Variants in HEATR1 observed in about 807,000 individuals in gnomAD.
The protein encoded by HEATR1 is HEAT repeat containing 1.
In HEATR1, 77 loss-of-function variants were observed where a neutral mutation model predicts 248.2. The observed-to-expected ratio is 0.31, with a 90% CI of 0.26 to 0.37. The LOEUF is 0.37. Among genes scored for constraint, HEATR1 ranks in the 10% least tolerant of loss-of-function variants. The pLI is 1.00. For missense variants in HEATR1, 2,420 were observed against 2,504.9 expected (o/e 0.97, Z 0.72); for synonymous variants, 897 against 923.1 (o/e 0.97, Z 0.51).
chr1:236,569,580 A>G (rs931987262), intron 28 of HEATR1, among the ~76,000 whole-genome samples: 7 of 152,362 alleles, frequency 4.6e-5, no homozygotes, highest in African/African-American at 1.2e-4. Context: ...CGAAAAGAAT[A>G]TAAGCACAAA....
At chr1:236,598,742 A>C (rs761058836) in intron 4 of HEATR1, among the ~76,000 whole-genome samples, 2 of 152,120 alleles carry the variant, frequency 1.3e-5, no homozygotes, top group Non-Finnish European at 2.9e-5. Context: ...TCATCAGCCT[A>C]ATGTGCACAG....
chr1:236,562,902 ACT>A (rs370821264), intron 32 of HEATR1, among the ~76,000 whole-genome samples: 9 of 146,550 alleles, frequency 6.1e-5, no homozygotes, highest in South Asian at 2.2e-4. Context: ...CTTTTTTTCT[ACT>A]CTGTTTTCTA....
intron 20 of HEATR1, among the ~76,000 whole-genome samples, chr1:236,577,707 C>T (rs946304312): frequency 6.6e-5 from 10 of 152,102 alleles, no homozygotes; most frequent in Admixed American, 3.3e-4. Flanking sequence ...AGGCTGGTCT[C>T]GAACTCCCAA....
chr1:236,566,804 C>A lies in HEATR1; in HGVS notation c.4150G>T (p.Val1384Leu). 6.2e-7 allele frequency: 1 copy of A among 1,614,120 alleles called. No individual in the cohort carries two copies. Among genetic ancestry groups the A allele is most frequent in the African/African-American group, 1.3e-5 (1 of 75,032 alleles). ...EIVVKIISVF[V>L]DALPHVPEHR... is the part of the protein sequence containing the mutation. ...TCCGGGACGTGTGGCAGCGCATCCA[C>A]AAATACACTAATGATTTTTACCACA... The change falls in exon 30 of 45, where the codon GTG becomes TTG. Residue 1384 changes from valine (V) to leucine (L), a missense_variant. Coordinates refer to ENST00000366582, the MANE Select transcript of HEATR1 (RefSeq NM_018072.6).
Position 236,585,803 on chromosome 1 carries a change from T to C in HEATR1, c.2049+17A>G, listed in dbSNP as rs530096956. 1 of 1,609,850 alleles carries C rather than the reference T, an allele frequency of 6.2e-7. No individual in the cohort carries two copies. The highest frequency in any genetic ancestry group is 1.1e-5 in the South Asian group (1 of 90,276). ...TGAGAAAGAAATCCAGGGGGTGGACTTTCAAAGCATACTTACCATCTTTAA... is the reference window on the plus strand; with the variant it reads ...TGAGAAAGAAATCCAGGGGGTGGACCTTCAAAGCATACTTACCATCTTTAA... On this transcript the variant is annotated intron_variant, in intron 16 of 44. Coordinates refer to ENST00000366582, the MANE Select transcript of HEATR1 (RefSeq NM_018072.6).
intron 17 of HEATR1, 126 bp from the exon 18 acceptor site, chr1:236,583,322 A>G: frequency 2.7e-6 from 2 of 748,960 alleles, no homozygotes; most frequent in Non-Finnish European, 4.3e-6. Context: ...AAGGATTAAC[A>G]GAACTGCTTT....
chr1:236,580,738 A>C (rs1253243), intron 20 of HEATR1, among the ~76,000 whole-genome samples: 6 of 151,086 alleles, frequency 4.0e-5, no homozygotes, highest in African/African-American at 7.3e-5. Context: ...GCTGGTCTTG[A>C]ACTCTTGGCC....
chr1:236,598,802 C>T (rs1664243387), intron 4 of HEATR1, among the ~76,000 whole-genome samples: 1 of 152,186 alleles, frequency 6.6e-6, no homozygotes, highest in Non-Finnish European at 1.5e-5. Context: ...CCCCCCCTAC[C>T]CTGGATCACC....
chr1:236,577,339 C>A (rs1257444866), intron 20 of HEATR1, among the ~76,000 whole-genome samples: 1 of 152,126 alleles, frequency 6.6e-6, no homozygotes, highest in East Asian at 1.9e-4. Flanking sequence ...TTAGTAGAGA[C>A]TGGGTTTCAC....
rs1382956164 is a variant in HEATR1 at position 236,555,439 on chromosome 1, T to A, written c.5780A>T (p.Asp1927Val). The change falls in exon 41 of 45, where the codon GAT becomes GTT. Residue 1927 changes from aspartate to valine, a missense_variant. By Grantham distance (152) the Asp-to-Val change is radical. Transcript: ENST00000366582. ...TGTCAACAACCTGTCCTTTGGGGCA[T>A]CTTCTGTTTTAGCCCAATCAAACAG... ...FKLFDWAKTE[D>V]APKDRLLTFY... The A allele has an allele frequency of 6.2e-7, 1 of 1,614,252 alleles. No homozygotes were observed. The highest frequency in any genetic ancestry group is 8.5e-7 in the Non-Finnish European group (1 of 1,180,044).
rs755382938 is a variant in HEATR1, at chr1:236,586,445, C to A, written c.1723G>T (p.Val575Leu). The A allele has an allele frequency of 7.5e-6, 12 of 1,609,122 alleles. No homozygotes were observed. The highest frequency in any genetic ancestry group is 1.3e-5 in the African/African-American group (1 of 74,854). ...AATATGTCAGCGGCTATCTTAAGTA[C>A]CTCGTACCTAAAAGACATGCAAGCA... ...ELSKNGEWYEVLKIAADILIK... is the reference protein window; with the variant it reads ...ELSKNGEWYELLKIAADILIK... The change falls in exon 15 of 45, where the codon GTA becomes TTA. Residue 575 changes from valine to leucine, a missense_variant. Coordinates refer to ENST00000366582, the MANE Select transcript of HEATR1 (RefSeq NM_018072.6).
At chr1:236,574,413 C>G in intron 23 of HEATR1, 80 bp from the exon 24 acceptor site, 1 of 1,448,064 alleles carries the variant, frequency 6.9e-7, no homozygotes, top group Non-Finnish European at 9.4e-7. Flanking sequence ...CAACCTCTCT[C>G]AAAATACAAA....
intron 3 of HEATR1, 67 bp from the exon 4 acceptor site, chr1:236,599,691 T>C: frequency 7.2e-7 from 1 of 1,382,976 alleles, no homozygotes. Context: ...TTTCCTCACA[T>C]GCCCAAACTG....
intron 41 of HEATR1, 40 bp downstream of exon 41, chr1:236,555,251 GGCACA>G (rs1662932064): frequency 6.3e-7 from 1 of 1,591,314 alleles, no homozygotes; most frequent in Non-Finnish European, 8.6e-7. Context: ...CCTTGTATAA[GGCACA>G]CAGGGCAAGG....
chr1:236,593,584 GAA>G (rs534009257), intron 9 of HEATR1, among the ~76,000 whole-genome samples: 2,629 of 90,866 alleles, frequency 0.029, 13 homozygotes, highest in Middle Eastern at 0.071. Flanking sequence ...CCCATTAAGA[GAA>G]AAAAAAAAAA....
intron 28 of HEATR1, 42 bp downstream of exon 28, chr1:236,571,308 AT>A (rs1663418359): frequency 6.4e-7 from 1 of 1,553,900 alleles, no homozygotes; most frequent in Non-Finnish European, 8.7e-7. Flanking sequence ...TGGAAGAAAA[AT>A]ATCTGAAATA....
In HEATR1 at chr1:236,577,150, C is replaced by T. The variant is rs562265874; in HGVS notation, c.2756-201G>A. ...GCATTCTTTTGAAAATACACAAGAG[C>T]ATACTATAAACTCTGTTCTACACCA... On this transcript the variant is annotated intron_variant, in intron 20 of 44. Transcript: ENST00000366582. 2.1e-3 allele frequency among the ~76,000 whole-genome samples: 234 copies of T among 109,266 alleles called. 8 individuals carry two copies. In the South Asian group the frequency reaches 0.023, roughly 11 times the overall value. 71.7% of individuals were successfully genotyped at this position (109,266 alleles called of 152,430 possible).
At chr1:236,570,205 C>T (rs1238418259) in intron 28 of HEATR1, among the ~76,000 whole-genome samples, 5 of 152,206 alleles carry the variant, frequency 3.3e-5, no homozygotes, top group Non-Finnish European at 7.3e-5. Flanking sequence ...AGGAGAATGG[C>T]ATGAACCCAA....
intron 32 of HEATR1, among the ~76,000 whole-genome samples, 177 bp from the exon 33 acceptor site, chr1:236,561,448 CTTAAT>C (rs1210133325): frequency 7.2e-5 from 11 of 152,176 alleles, no homozygotes; most frequent in African/African-American, 2.7e-4. Context: ...CTCTATTTCT[CTTAAT>C]TTATTTTAAT....
Sources: allele counts gnomAD v4.1 joint callset (sites outside exome capture counted in the v4.1 genomes callset), GRCh38; gene constraint gnomAD v4.1.1; transcripts MANE v1.5; gene names NCBI Gene and HGNC (gene_info 2026-07-23, HGNC 2026-07-21).